Variants in KCNH5 observed in about 807,000 individuals in gnomAD.
KCNH5 encodes potassium voltage-gated channel subfamily H member 5.
Under a neutral mutation model 96.1 loss-of-function variants are expected in KCNH5, and 46 were observed. The observed-to-expected ratio is 0.48, with a 90% CI of 0.38 to 0.61. The LOEUF is 0.61. Among genes scored for constraint, KCNH5 ranks in the 20% least tolerant of loss-of-function variants. The probability of loss-of-function intolerance (pLI) is 0.00; values close to 1 mark genes in which losing one functional copy is unlikely to be tolerated. For synonymous variants in KCNH5, 439 were observed against 449.8 expected (o/e 0.98, Z 0.30); for missense variants, 907 against 1,225.8 (o/e 0.74, Z 3.88).
rs1384103642 is a variant in KCNH5, at chr14:62,972,145, AAAC to A, written c.942+8724_942+8726del. Among the ~76,000 whole-genome samples, 7 of 152,326 alleles carry A rather than the reference AAAC, an allele frequency of 4.6e-5. No homozygotes were observed. The East Asian group carries it at 1.2e-3, about 25-fold the overall frequency. On this transcript the variant is annotated intron_variant, in intron 6 of 10. Transcript: ENST00000322893. ...ATCTAAAAACTAAAAAGAACTCTTA[AAAC>A]AACAATTAAAAAAATGCACAAAAGA...
chr14:63,042,544 C>T (rs1891844703), intron 1 of KCNH5, among the ~76,000 whole-genome samples: 1 of 152,082 alleles, frequency 6.6e-6, no homozygotes, highest in Non-Finnish European at 1.5e-5. Context: ...ATTGGGAGTG[C>T]TGGGTGCTAT....
intron 2 of KCNH5, 69 bp from the exon 3 acceptor site, chr14:63,006,541 A>G: frequency 1.1e-6 from 1 of 899,336 alleles, no homozygotes; most frequent in Non-Finnish European, 1.8e-6. Flanking sequence ...CAAAAATCAT[A>G]TAATTGTCTT....
At chr14:63,036,228 T>C (rs1341489138) in intron 1 of KCNH5, among the ~76,000 whole-genome samples, 1 of 152,230 alleles carries the variant, frequency 6.6e-6, no homozygotes, top group Non-Finnish European at 1.5e-5. Context: ...CCTGTAGTTC[T>C]TTCTTTGGTC....
intron 8 of KCNH5, among the ~76,000 whole-genome samples, chr14:62,814,258 A>T (rs968508273): frequency 8.5e-5 from 13 of 152,132 alleles, no homozygotes; most frequent in African/African-American, 3.1e-4. Context: ...AACAAACAGC[A>T]ATTGTTACCA....
intron 7 of KCNH5, among the ~76,000 whole-genome samples, chr14:62,929,524 CTTTCTGACTTCGTCCTGCACTAT>C (rs1053945055): frequency 2.6e-5 from 4 of 152,010 alleles, no homozygotes; most frequent in African/African-American, 9.7e-5. Flanking sequence ...GTCTCATTAC[CTTTCTGACTTCGTCCTGCACTAT>C]TTTCTCCCTT....
rs1340802668 is a variant in KCNH5 at position 63,003,483 on chromosome 14, TTATATATATTA to T, written c.305-2035_305-2025del. On this transcript the variant is annotated intron_variant, in intron 3 of 10. Coordinates refer to ENST00000322893, the MANE Select transcript of KCNH5 (RefSeq NM_139318.5). ...ATATTTTATATATATTATATATATT[TTATATATATTA>T]TATATATATTTTATATATATTTTAT... 3.1e-5 allele frequency among the ~76,000 whole-genome samples: 4 copies of T among 127,068 alleles called. No homozygotes were observed. The South Asian group carries it at 6.8e-4, about 22-fold the overall frequency. The allele number at this position is 127,068 out of a possible 152,430, so 83.4% of individuals were successfully genotyped here.
chr14:62,951,912 G>T lies in KCNH5; in HGVS notation c.943-1353C>A, dbSNP rs954845930. ...TGGGAGACGGAGGGTGCAGTGAGCC[G>T]AGATCATGCCACTGCACCCCAGCCT... On this transcript the variant is annotated intron_variant, in intron 6 of 10. Coordinates refer to ENST00000322893, the MANE Select transcript of KCNH5 (RefSeq NM_139318.5). Among the ~76,000 whole-genome samples the T allele has an allele frequency of 5.2e-5, 7 of 135,882 alleles. No homozygotes were observed. In the South Asian group the frequency reaches 1.6e-3, roughly 31 times the overall value. 89.1% of individuals were successfully genotyped at this position (135,882 alleles called of 152,430 possible).
chr14:62,765,163 A>G (rs2139959981), intron 10 of KCNH5, among the ~76,000 whole-genome samples: 1 of 152,348 alleles, frequency 6.6e-6, no homozygotes, highest in Non-Finnish European at 1.5e-5. Context: ...TTGTACTGGT[A>G]CAAAAATGGA....
Position 62,711,824 on chromosome 14 carries a change from G to A in KCNH5, c.2020-3369C>T, listed in dbSNP as rs1884575417. Among the ~76,000 whole-genome samples, 3 of 152,202 alleles carry A rather than the reference G, an allele frequency of 2.0e-5. No individual in the cohort carries two copies. The South Asian group carries it at 6.2e-4, about 32-fold the overall frequency. ...AGGCAAGGCAAAAGCACTGTGTGAG[G>A]TGGGAAAGGTTATTGCACCCTGTAG... On this transcript the variant is annotated intron_variant, in intron 10 of 10. Coordinates refer to ENST00000322893, the MANE Select transcript of KCNH5 (RefSeq NM_139318.5).
At chr14:63,028,258 G>A (rs117553326) in intron 1 of KCNH5, among the ~76,000 whole-genome samples, 3,301 of 152,050 alleles carry the variant, frequency 0.022, 51 homozygotes, top group Non-Finnish European at 0.036. Flanking sequence ...CAATGGGAAC[G>A]TTCAGACTCC....
intron 7 of KCNH5, among the ~76,000 whole-genome samples, chr14:62,876,285 C>T (rs1888370870): frequency 6.6e-6 from 1 of 152,100 alleles, no homozygotes; most frequent in African/African-American, 2.4e-5. Context: ...AGATGTTACC[C>T]TAAGATTCAA....
rs1175299948 is a variant in KCNH5 at position 63,045,442 on chromosome 14, C to T, written c.-256G>A. ...GCCCAGACTGTGGCGGTGCCGCACA[C>T]GGGGCTCGGGAACTGCAGGCTCCGC... On this transcript the variant is annotated 5_prime_UTR_variant, in exon 1 of 11. In the 5' UTR this introduces an upstream ATG that the reference lacks. Coordinates refer to ENST00000322893, the MANE Select transcript of KCNH5 (RefSeq NM_139318.5). 2 of 510,496 alleles carry T rather than the reference C, an allele frequency of 3.9e-6. No individual in the cohort carries two copies. Among genetic ancestry groups the T allele is most frequent in the African/African-American group, 3.9e-5 (2 of 51,830 alleles). 31.6% of individuals were successfully genotyped at this position (510,496 alleles called of 1,614,324 possible).
intron 7 of KCNH5, among the ~76,000 whole-genome samples, chr14:62,916,212 A>G (rs1009514939): frequency 6.6e-6 from 1 of 152,058 alleles, no homozygotes; most frequent in African/African-American, 2.4e-5. Flanking sequence ...TCAGCCTCCC[A>G]AAGTGCTGGG....
intron 10 of KCNH5, among the ~76,000 whole-genome samples, chr14:62,767,202 G>A (rs1197389968): frequency 6.6e-6 from 1 of 152,142 alleles, no homozygotes; most frequent in Non-Finnish European, 1.5e-5. Context: ...CAGAGAAAAG[G>A]GAGCACATAG....
At chr14:62,720,996 G>A (rs1395987377) in intron 10 of KCNH5, among the ~76,000 whole-genome samples, 2 of 152,196 alleles carry the variant, frequency 1.3e-5, no homozygotes, top group African/African-American at 2.4e-5. Flanking sequence ...ACTGCGGACT[G>A]GTCTATAGCA....
intron 7 of KCNH5, among the ~76,000 whole-genome samples, chr14:62,868,503 T>C (rs1313814266): frequency 6.6e-6 from 1 of 152,262 alleles, no homozygotes; most frequent in African/African-American, 2.4e-5. Context: ...GGTCTCATGA[T>C]CATTCTGTTT....
At chr14:62,825,929 G>A (rs577069969) in intron 8 of KCNH5, among the ~76,000 whole-genome samples, 7 of 151,880 alleles carry the variant, frequency 4.6e-5, no homozygotes, top group South Asian at 4.2e-4. Context: ...TGAGGTTCTC[G>A]TTGTGATCAA....
intron 10 of KCNH5, among the ~76,000 whole-genome samples, chr14:62,776,250 G>C (rs953833081): frequency 1.3e-5 from 2 of 151,740 alleles, no homozygotes; most frequent in Non-Finnish European, 2.9e-5. Flanking sequence ...CTGGGTGACA[G>C]AGCAAGGTTC....
intron 10 of KCNH5, among the ~76,000 whole-genome samples, chr14:62,731,127 C>T (rs1442964517): frequency 3.3e-5 from 5 of 151,716 alleles, no homozygotes; most frequent in Non-Finnish European, 7.4e-5. Flanking sequence ...ATGGTGAAAC[C>T]CCATCTCTAC....
Sources: gnomAD v4.1 joint callset for allele counts (sites outside exome capture counted in the v4.1 genomes callset) on GRCh38, gnomAD v4.1.1 for gene constraint, MANE v1.5 for transcripts, NCBI Gene and HGNC (gene_info 2026-07-23, HGNC 2026-07-21) for gene names.